SCAPER: variants seen among roughly 807,000 people sequenced by gnomAD.
The protein encoded by SCAPER is S phase cyclin A-associated protein in the endoplasmic reticulum.
A neutral mutation model predicts 182.2 loss-of-function variants in SCAPER; 98 were observed. The observed-to-expected ratio is 0.54, with a 90% CI of 0.46 to 0.64. SCAPER has a LOEUF of 0.64. Ranked by LOEUF, SCAPER falls within the 30% of genes least tolerant of loss-of-function variation. The probability of loss-of-function intolerance (pLI) is 0.00; values close to 1 mark genes in which losing one functional copy is unlikely to be tolerated. For missense variants in SCAPER, 1,432 were observed against 1,690.0 expected, an observed-to-expected ratio of 0.85 and a Z score of 2.68; for synonymous variants, 605 against 564.6, an observed-to-expected ratio of 1.07 and a Z score of -1.01.
chr15:76,715,508 G>A (rs1217268944), intron 17 of SCAPER, among the ~76,000 whole-genome samples: 1 of 151,988 alleles, frequency 6.6e-6, no homozygotes, highest in African/African-American at 2.4e-5. Context: ...CCAAGGAGTG[G>A]TTATTGCTGC....
chr15:76,792,303 T>C lies in SCAPER; in HGVS notation c.772+2977A>G, dbSNP rs538494840. On this transcript the variant is annotated intron_variant, in intron 8 of 31. Coordinates refer to ENST00000563290, the MANE Select transcript of SCAPER (RefSeq NM_020843.4). ...TCAAGGAATACTTTCAAATCTGATA[T>C]AGATCATGAGATACAGGTCTTCAAG... 3.9e-5 allele frequency among the ~76,000 whole-genome samples: 6 copies of C among 152,242 alleles called. No homozygotes were observed. The East Asian group carries it at 5.8e-4, about 15-fold the overall frequency.
chr15:76,795,921 C>T (rs548929511), intron 7 of SCAPER, among the ~76,000 whole-genome samples: 1 of 152,100 alleles, frequency 6.6e-6, no homozygotes, highest in East Asian at 1.9e-4. Flanking sequence ...ATTAGCTGGG[C>T]GCGGTGGTGT....
intron 22 of SCAPER, among the ~76,000 whole-genome samples, chr15:76,596,605 G>A (rs2049517485): frequency 8.3e-6 from 1 of 120,832 alleles, no homozygotes; most frequent in African/African-American, 2.5e-5. Context: ...ACATTAAAAA[G>A]CTTATCTACC....
intron 31 of SCAPER, 34 bp from the exon 32 acceptor site, chr15:76,348,770 A>G: frequency 7.8e-7 from 1 of 1,276,732 alleles, no homozygotes; most frequent in Non-Finnish European, 1.1e-6. Flanking sequence ...AAAGTTAAAT[A>G]AAAGAGGGTT....
intron 23 of SCAPER, among the ~76,000 whole-genome samples, chr15:76,527,155 C>T (rs1030368347): frequency 6.6e-6 from 1 of 152,174 alleles, no homozygotes; most frequent in Non-Finnish European, 1.5e-5. Context: ...GGATTACAGG[C>T]GCGAGCCATC....
chr15:76,893,363 T>A (rs1219940825), intron 1 of SCAPER, among the ~76,000 whole-genome samples: 1 of 152,046 alleles, frequency 6.6e-6, no homozygotes, highest in African/African-American at 2.4e-5. Flanking sequence ...AAAGGGGTAA[T>A]TCATCAAAAG....
intron 25 of SCAPER, among the ~76,000 whole-genome samples, chr15:76,445,013 A>T (rs548974424): frequency 2.2e-4 from 34 of 152,314 alleles, no homozygotes; most frequent in African/African-American, 7.7e-4. Context: ...TTTAGGGATC[A>T]AAGTGGTTTC....
chr15:76,790,201 A>C (rs889134372), intron 8 of SCAPER, among the ~76,000 whole-genome samples: 2 of 150,570 alleles, frequency 1.3e-5, no homozygotes, highest in African/African-American at 2.4e-5. Context: ...ACTGCACTCC[A>C]GCCTGGGAGA....
chr15:76,774,845 A>C lies in SCAPER; in HGVS notation c.1035+10T>G, dbSNP rs750986835. 1 of 1,599,836 alleles carries C rather than the reference A, an allele frequency of 6.3e-7. No individual in the cohort carries two copies. ...AAAAAGACAGTAAAAGGATTTTCAG[A>C]ATGTACTACCTGGGTTTTTTCGGCA... On this transcript the variant is annotated intron_variant, in intron 9 of 31. Coordinates refer to ENST00000563290, the MANE Select transcript of SCAPER (RefSeq NM_020843.4).
At chr15:76,867,657 C>A (rs976462303) in intron 2 of SCAPER, among the ~76,000 whole-genome samples, 2 of 152,198 alleles carry the variant, frequency 1.3e-5, no homozygotes, top group African/African-American at 4.8e-5. Context: ...TCAAGTCTTA[C>A]CGAGTCTATC....
intron 22 of SCAPER, among the ~76,000 whole-genome samples, chr15:76,603,809 G>T (rs192341222): frequency 0.12 from 14,993 of 121,428 alleles, 4,204 homozygotes; most frequent in Middle Eastern, 0.22. Context: ...TCATGTGTCT[G>T]TTGGCTGCAT....
chr15:76,521,208 T>G (rs1226113532), intron 23 of SCAPER, among the ~76,000 whole-genome samples: 1 of 152,184 alleles, frequency 6.6e-6, no homozygotes, highest in Admixed American at 6.5e-5. Flanking sequence ...CCTTGGAATA[T>G]ATTAGGATGG....
intron 11 of SCAPER, 62 bp from the exon 12 acceptor site, chr15:76,765,700 T>A: frequency 7.6e-7 from 1 of 1,312,824 alleles, no homozygotes; most frequent in Non-Finnish European, 1.1e-6. Context: ...CTTTAGAAAA[T>A]GAACTATACA....
Position 76,407,468 on chromosome 15 carries a change from A to G in SCAPER, c.3312-2789T>C, listed in dbSNP as rs908650508. Among the ~76,000 whole-genome samples, 28 of 152,208 alleles carry G rather than the reference A, an allele frequency of 1.8e-4. 1 individual carries two copies. Among genetic ancestry groups the G allele is most frequent in the African/African-American group, 6.8e-4 (28 of 41,458 alleles). On this transcript the variant is annotated intron_variant, in intron 26 of 31. Coordinates refer to ENST00000563290, the MANE Select transcript of SCAPER (RefSeq NM_020843.4). ...CAAACCTTGACCTTCCCAGGTACAC[A>G]AGCCATTTTACTATTCTGTTTTACT... is the stretch of plus-strand genomic sequence containing the variant.
intron 22 of SCAPER, among the ~76,000 whole-genome samples, chr15:76,605,937 G>C (rs564671881): frequency 6.6e-6 from 1 of 152,076 alleles, no homozygotes; most frequent in Non-Finnish European, 1.5e-5. Flanking sequence ...CTTGCTAGCG[G>C]TCTATCAATT....
At chr15:76,471,086 C>G in intron 25 of SCAPER, 126 bp downstream of exon 25, 1 of 748,554 alleles carries the variant, frequency 1.3e-6, no homozygotes. Flanking sequence ...TCACTTTCTT[C>G]TTCTTCTTCT....
At chr15:76,774,315 G>A in intron 9 of SCAPER, 1 of 326,520 alleles carries the variant, frequency 3.1e-6, no homozygotes, top group Non-Finnish European at 5.8e-6. Flanking sequence ...TGTCATGAAA[G>A]ACAAAGACAG....
intron 24 of SCAPER, among the ~76,000 whole-genome samples, chr15:76,504,313 C>T (rs2041397605): frequency 6.6e-6 from 1 of 152,044 alleles, no homozygotes; most frequent in East Asian, 1.9e-4. Flanking sequence ...GCTGCTATAC[C>T]CCAGGTGGCC....
intron 21 of SCAPER, among the ~76,000 whole-genome samples, chr15:76,641,653 A>G (rs575645658): frequency 6.6e-6 from 1 of 152,344 alleles, no homozygotes; most frequent in African/African-American, 2.4e-5. Context: ...CTCAAGATAA[A>G]CAGGAACTTG....
Sources: gnomAD v4.1 joint callset for allele counts (sites outside exome capture counted in the v4.1 genomes callset) on GRCh38, gnomAD v4.1.1 for gene constraint, MANE v1.5 for transcripts, NCBI Gene and HGNC (gene_info 2026-07-23, HGNC 2026-07-21) for gene names.